DLGAP1: variants seen among roughly 807,000 people sequenced by gnomAD.
DLGAP1 encodes DLG associated protein 1, also known as disks large-associated protein 1.
DLGAP1 carries 11 observed loss-of-function variants against 90.8 expected under a neutral mutation model. The observed-to-expected ratio is 0.12, with a 90% CI of 0.08 to 0.20. The LOEUF (loss-of-function observed/expected upper bound fraction) is 0.20. Ranked by LOEUF, DLGAP1 falls within the 10% of genes least tolerant of loss-of-function variation. The probability of loss-of-function intolerance (pLI) is 1.00; values close to 1 mark genes in which losing one functional copy is unlikely to be tolerated. For missense variants in DLGAP1, 1,050 were observed against 1,333.8 expected (o/e 0.79, Z 3.31); for synonymous variants, 558 against 540.7 (o/e 1.03, Z -0.44).
At chr18:3,772,048 A>G (rs1377966111) in intron 5 of DLGAP1, among the ~76,000 whole-genome samples, 1 of 152,238 alleles carries the variant, frequency 6.6e-6, no homozygotes, top group African/African-American at 2.4e-5. Flanking sequence ...TGACTATTTT[A>G]TAACAACCAT....
At chr18:4,109,427 G>C (rs964363623) in intron 2 of DLGAP1, among the ~76,000 whole-genome samples, 4 of 152,162 alleles carry the variant, frequency 2.6e-5, no homozygotes, top group African/African-American at 7.2e-5. Context: ...GCCACTCTTA[G>C]AATTCTGCAC....
At chr18:3,971,892 C>G (rs887229700) in intron 3 of DLGAP1, among the ~76,000 whole-genome samples, 2 of 152,034 alleles carry the variant, frequency 1.3e-5, no homozygotes, top group African/African-American at 4.8e-5. Flanking sequence ...TATTGAGGGA[C>G]AAGAAAAACT....
chr18:3,803,189 T>A (rs1382692149), intron 5 of DLGAP1, among the ~76,000 whole-genome samples: 1 of 152,172 alleles, frequency 6.6e-6, no homozygotes, highest in Non-Finnish European at 1.5e-5. Flanking sequence ...ATTGGACGAC[T>A]GGACCCCCCC....
At chr18:3,684,349 C>G (rs2060626093) in intron 7 of DLGAP1, among the ~76,000 whole-genome samples, 3 of 139,842 alleles carry the variant, frequency 2.1e-5, no homozygotes, top group Non-Finnish European at 4.5e-5. Context: ...ACCACCATGC[C>G]TGGCTAATTT....
intron 3 of DLGAP1, among the ~76,000 whole-genome samples, chr18:3,944,628 C>T (rs968475731): frequency 2.6e-5 from 4 of 152,232 alleles, no homozygotes; most frequent in African/African-American, 9.6e-5. Context: ...ATAAGACTGA[C>T]AGATACCGCT....
intron 3 of DLGAP1, among the ~76,000 whole-genome samples, chr18:3,935,880 G>A (rs1399960123): frequency 6.6e-6 from 1 of 152,084 alleles, no homozygotes; most frequent in Non-Finnish European, 1.5e-5. Flanking sequence ...TTCCCTTCAG[G>A]ATTTGGGAGA....
chr18:3,633,190 C>T (rs1354424580), intron 7 of DLGAP1, among the ~76,000 whole-genome samples: 4 of 152,028 alleles, frequency 2.6e-5, no homozygotes, highest in African/African-American at 9.7e-5. Flanking sequence ...TCGGTCAAGA[C>T]ATTGAGACCA....
At chr18:3,700,548 G>T (rs1197337560) in intron 7 of DLGAP1, among the ~76,000 whole-genome samples, 2 of 150,842 alleles carry the variant, frequency 1.3e-5, no homozygotes, top group African/African-American at 4.9e-5. Context: ...GGGAGCTGCA[G>T]ACTGGAGCTG....
intron 4 of DLGAP1, among the ~76,000 whole-genome samples, chr18:3,878,609 G>A (rs1023156982): frequency 5.9e-5 from 9 of 152,152 alleles, no homozygotes; most frequent in African/African-American, 1.4e-4. Flanking sequence ...AGGTCGGGGT[G>A]TAGTTACTGA....
At chr18:3,626,123 C>T (rs67672422) in intron 7 of DLGAP1, among the ~76,000 whole-genome samples, 54,005 of 151,648 alleles carry the variant, frequency 0.36, 10,051 homozygotes, top group East Asian at 0.5. Context: ...TAGGGAGACC[C>T]ATCTCTACAA....
chr18:3,667,457 G>C (rs1050353820), intron 7 of DLGAP1, among the ~76,000 whole-genome samples: 6 of 152,102 alleles, frequency 3.9e-5, no homozygotes, highest in Non-Finnish European at 7.4e-5. Context: ...ATACCATCTA[G>C]TACCTAGTAA....
chr18:4,162,705 T>A (rs1189885892), intron 1 of DLGAP1, among the ~76,000 whole-genome samples: 2 of 152,170 alleles, frequency 1.3e-5, no homozygotes, highest in Non-Finnish European at 2.9e-5. Flanking sequence ...TTCTTGCCAA[T>A]AATTATTGTA....
intron 2 of DLGAP1, among the ~76,000 whole-genome samples, chr18:4,083,862 G>T (rs1359249023): frequency 1.3e-5 from 2 of 152,094 alleles, no homozygotes; most frequent in African/African-American, 4.8e-5. Flanking sequence ...CTTTCAGCTT[G>T]GCCGTCAGCA....
At chr18:3,672,641 G>A (rs1406581117) in intron 7 of DLGAP1, among the ~76,000 whole-genome samples, 1 of 145,420 alleles carries the variant, frequency 6.9e-6, no homozygotes, top group Non-Finnish European at 1.5e-5. Context: ...AAACCCAGGA[G>A]TGTTTAAGAC....
chr18:3,500,717 C>T (rs376834547), intron 12 of DLGAP1, among the ~76,000 whole-genome samples: 7 of 151,980 alleles, frequency 4.6e-5, no homozygotes, highest in African/African-American at 9.7e-5. Context: ...CATTAAAAAC[C>T]GTAAAAATCA....
intron 3 of DLGAP1, among the ~76,000 whole-genome samples, chr18:3,884,883 G>T (rs1035131402): frequency 2.0e-5 from 3 of 152,108 alleles, no homozygotes; most frequent in Non-Finnish European, 2.9e-5. Flanking sequence ...ATAAAAAATG[G>T]CAATAAACAT....
chr18:4,176,256 G>T (rs1216264704), intron 1 of DLGAP1, among the ~76,000 whole-genome samples: 3 of 152,120 alleles, frequency 2.0e-5, no homozygotes, highest in Admixed American at 1.3e-4. Flanking sequence ...TGTTGTAAAT[G>T]GACAGTGACT....
intron 1 of DLGAP1, among the ~76,000 whole-genome samples, chr18:4,303,750 T>C (rs982797783): frequency 2.0e-5 from 3 of 152,236 alleles, no homozygotes; most frequent in African/African-American, 7.2e-5. Context: ...TAATGTTCCC[T>C]GATTTCTGTG....
At chr18:4,216,509 C>A (rs997686079) in intron 1 of DLGAP1, among the ~76,000 whole-genome samples, 1 of 152,110 alleles carries the variant, frequency 6.6e-6, no homozygotes, top group Non-Finnish European at 1.5e-5. Context: ...ATGCCATACA[C>A]GACCACATGT....
Sources: gnomAD v4.1 joint callset for allele counts (sites outside exome capture counted in the v4.1 genomes callset) on GRCh38, gnomAD v4.1.1 for gene constraint, MANE v1.5 for transcripts, NCBI Gene and HGNC (gene_info 2026-07-23, HGNC 2026-07-21) for gene names.